ELOVL2: variants seen among roughly 807,000 people sequenced by gnomAD.
ELOVL2 encodes very long chain fatty acid elongase 2.
ELOVL2 carries 38 observed loss-of-function variants against 37.7 expected under a neutral mutation model. The ratio of observed to expected loss-of-function variants is 1.01; its 90% CI spans 0.78 to 1.32. The LOEUF is 1.32. ELOVL2 is among the 40% of genes most tolerant of loss of function. The pLI, the probability that ELOVL2 is intolerant of heterozygous loss-of-function variation, is 0.00. For missense variants in ELOVL2, 352 were observed against 363.6 expected, an observed-to-expected ratio of 0.97 and a Z score of 0.26; for synonymous variants, 115 against 122.3, an observed-to-expected ratio of 0.94 and a Z score of 0.40.
At chr6:11,039,999 AGAG>A (rs1174348910) in intron 1 of ELOVL2, among the ~76,000 whole-genome samples, 1 of 152,218 alleles carries the variant, frequency 6.6e-6, no homozygotes, top group Non-Finnish European at 1.5e-5. Flanking sequence ...AGTCTACAAA[AGAG>A]GAGATCTGTA....
At chr6:11,029,523 T>C (rs749612682) in intron 1 of ELOVL2, among the ~76,000 whole-genome samples, 39 of 152,172 alleles carry the variant, frequency 2.6e-4, no homozygotes, top group Non-Finnish European at 4.4e-4. Flanking sequence ...CATTTTCAAA[T>C]CCCAATGCAG....
At chr6:10,997,234 G>A (rs575371282) in intron 4 of ELOVL2, among the ~76,000 whole-genome samples, 5 of 152,254 alleles carry the variant, frequency 3.3e-5, no homozygotes, top group African/African-American at 9.6e-5. Flanking sequence ...GGGGGCAGGG[G>A]AGTGGGAAGT....
intron 1 of ELOVL2, among the ~76,000 whole-genome samples, chr6:11,023,371 A>G (rs533098822): frequency 3.9e-4 from 60 of 152,372 alleles, no homozygotes; most frequent in Non-Finnish European, 6.5e-4. Context: ...CCTTTTGAAT[A>G]TGAAAACAAA....
At chr6:11,023,654 G>A (rs559792725) in intron 1 of ELOVL2, among the ~76,000 whole-genome samples, 27 of 152,166 alleles carry the variant, frequency 1.8e-4, no homozygotes, top group Non-Finnish European at 3.4e-4. Flanking sequence ...TGAGCAATTC[G>A]GGTTCCATGC....
intron 5 of ELOVL2, among the ~76,000 whole-genome samples, chr6:10,992,995 C>A (rs979817942): frequency 1.3e-5 from 2 of 151,990 alleles, no homozygotes; most frequent in Non-Finnish European, 2.9e-5. Context: ...GAGTTCAAGA[C>A]CAGTCTGGGC....
At chr6:11,032,769 T>C (rs558099464) in intron 1 of ELOVL2, among the ~76,000 whole-genome samples, 25 of 152,338 alleles carry the variant, frequency 1.6e-4, no homozygotes, top group South Asian at 6.2e-4. Flanking sequence ...AGAGTTTATA[T>C]TGCAGTAAGG....
rs1424934601 is a variant in ELOVL2, at chr6:10,981,976, G to A, written c.*1805C>T. On this transcript the variant is annotated 3_prime_UTR_variant, in exon 8 of 8. Coordinates refer to ENST00000354666, the MANE Select transcript of ELOVL2 (RefSeq NM_017770.4). ...CTTGTTTTAAAATAAATTGCTGGGA[G>A]AGAACAAGACAGAACAGTTATAAGG... The A allele has an allele frequency of 6.6e-6, 1 of 152,188 alleles. No individual in the cohort carries two copies. The highest frequency in any genetic ancestry group is 1.5e-5 in the Non-Finnish European group (1 of 68,044). 9.4% of individuals were successfully genotyped at this position (152,188 alleles called of 1,614,324 possible). A position where few individuals can be genotyped will look rare whatever the true frequency, so the allele number is the denominator to read the frequency against.
At chr6:11,006,292 A>C (rs1271105210) in intron 2 of ELOVL2, among the ~76,000 whole-genome samples, 2 of 152,244 alleles carry the variant, frequency 1.3e-5, no homozygotes, top group Non-Finnish European at 2.9e-5. Flanking sequence ...GGAGGCAAGC[A>C]GCTGAATACA....
intron 1 of ELOVL2, among the ~76,000 whole-genome samples, chr6:11,012,065 G>A (rs1202198678): frequency 6.6e-6 from 1 of 152,198 alleles, no homozygotes; most frequent in African/African-American, 2.4e-5. Context: ...CGGCATGTTT[G>A]CTGCCTGGCA....
At chr6:10,984,828 C>T (rs1388719530) in intron 7 of ELOVL2, among the ~76,000 whole-genome samples, 1 of 151,984 alleles carries the variant, frequency 6.6e-6, no homozygotes, top group African/African-American at 2.4e-5. Flanking sequence ...CATACGTGTG[C>T]ATGTGTCTTT....
intron 1 of ELOVL2, among the ~76,000 whole-genome samples, chr6:11,027,972 A>G (rs1782863944): frequency 6.6e-6 from 1 of 152,322 alleles, no homozygotes; most frequent in Admixed American, 6.5e-5. Flanking sequence ...AGAATGTCGT[A>G]GAACTATTAT....
intron 1 of ELOVL2, among the ~76,000 whole-genome samples, chr6:11,022,829 TTAA>T (rs1231681997): frequency 6.6e-6 from 1 of 152,182 alleles, no homozygotes; most frequent in Non-Finnish European, 1.5e-5. Flanking sequence ...TAGTCTCTTC[TTAA>T]TAATGACTAT....
rs767420973 is a variant in ELOVL2, at chr6:10,994,012, CAA to C, written c.505+993_505+994del. 2.7e-4 allele frequency among the ~76,000 whole-genome samples: 29 copies of C among 106,088 alleles called. 2 individuals carry two copies. Among genetic ancestry groups the C allele is most frequent in the African/African-American group, 8.4e-4 (26 of 31,044 alleles). 69.6% of individuals were successfully genotyped at this position (106,088 alleles called of 152,430 possible). ...CATGAGCCACTATGCCCAGCCCTAC[CAA>C]AAAAAAAAAAAAAAATAGCTGGGCA... is the stretch of plus-strand genomic sequence containing the variant. On this transcript the variant is annotated intron_variant, in intron 5 of 7. Coordinates refer to ENST00000354666, the MANE Select transcript of ELOVL2 (RefSeq NM_017770.4).
chr6:11,027,412 C>T (rs940917548), intron 1 of ELOVL2, among the ~76,000 whole-genome samples: 3 of 152,064 alleles, frequency 2.0e-5, no homozygotes, highest in African/African-American at 7.2e-5. Flanking sequence ...CACCCAAAGC[C>T]GGAAATAATT....
At chr6:11,022,548 T>C (rs2113543072) in intron 1 of ELOVL2, among the ~76,000 whole-genome samples, 1 of 152,280 alleles carries the variant, frequency 6.6e-6, no homozygotes, top group Non-Finnish European at 1.5e-5. Flanking sequence ...GTACAGGGAA[T>C]TTGTGAGGAG....
intron 5 of ELOVL2, among the ~76,000 whole-genome samples, chr6:10,992,876 T>C (rs1158510706): frequency 6.6e-6 from 1 of 151,538 alleles, no homozygotes; most frequent in African/African-American, 2.4e-5. Context: ...TACTGTTTCA[T>C]AAAATATCAT....
At chr6:11,005,244 T>C in intron 3 of ELOVL2, 128 bp downstream of exon 3, 3 of 743,858 alleles carry the variant, frequency 4.0e-6, no homozygotes, top group Non-Finnish European at 6.4e-6. Flanking sequence ...AAGAATAATA[T>C]CAAATGCTGG....
intron 1 of ELOVL2, among the ~76,000 whole-genome samples, chr6:11,031,137 G>T (rs1019535220): frequency 6.6e-6 from 1 of 152,008 alleles, no homozygotes; most frequent in African/African-American, 2.4e-5. Flanking sequence ...CACTGTAACT[G>T]TTGTATAGTA....
chr6:11,022,123 C>T (rs969057177), intron 1 of ELOVL2, among the ~76,000 whole-genome samples: 5 of 152,058 alleles, frequency 3.3e-5, no homozygotes, highest in African/African-American at 9.7e-5. Flanking sequence ...CTGGGGGTGC[C>T]CTTGCAGTGC....
Sources: allele counts gnomAD v4.1 joint callset (sites outside exome capture counted in the v4.1 genomes callset), GRCh38; gene constraint gnomAD v4.1.1; transcripts MANE v1.5; gene names NCBI Gene and HGNC (gene_info 2026-07-23, HGNC 2026-07-21).